TMEM269: variants seen among roughly 807,000 people sequenced by gnomAD.
TMEM269 encodes transmembrane protein 269.
A neutral mutation model predicts 15.8 loss-of-function variants in TMEM269; 12 were observed. The ratio of observed to expected loss-of-function variants is 0.76; its 90% CI spans 0.49 to 1.23. The LOEUF (loss-of-function observed/expected upper bound fraction) is 1.23. TMEM269 is among the 50% of genes most tolerant of loss of function. The pLI, the probability that TMEM269 is intolerant of heterozygous loss-of-function variation, is 0.00. For synonymous variants in TMEM269, 93 were observed against 99.3 expected (o/e 0.94, Z 0.38); for missense variants, 211 against 245.4 (o/e 0.86, Z 0.94).
intron 5 of TMEM269, 74 bp downstream of exon 5, chr1:42,794,687 TTCTA>T (rs937142621): frequency 1.9e-6 from 2 of 1,026,046 alleles, no homozygotes; most frequent in African/African-American, 1.6e-5. Flanking sequence ...CCCAGCATTT[TTCTA>T]TCTCTCTTAT....
rs1425030140 is a variant in TMEM269 at position 42,798,289 on chromosome 1, C to T, written c.*64C>T. 2 of 1,530,606 alleles carry T rather than the reference C, an allele frequency of 1.3e-6. No individual in the cohort carries two copies. Among genetic ancestry groups the T allele is most frequent in the Middle Eastern group, 3.8e-4 (2 of 5,218 alleles). The allele number at this position is 1,530,606 out of a possible 1,614,324, so 94.8% of individuals were successfully genotyped here. A position where few individuals can be genotyped will look rare whatever the true frequency, so the allele number is the denominator to read the frequency against. On this transcript the variant is annotated 3_prime_UTR_variant, in exon 6 of 6. Coordinates refer to ENST00000637012, the MANE Select transcript of TMEM269 (RefSeq NM_001354602.2). ...TGGGGTTTGTGTCAGCATATTGGGT[C>T]AAGCCTGCACTAAAGCTTTGTATGT...
In TMEM269 at chr1:42,798,336, A is replaced by C; in HGVS notation, c.*111A>C. On this transcript the variant is annotated 3_prime_UTR_variant, in exon 6 of 6. Transcript: ENST00000637012. ...ATGTACCTGTGTTGCCATATACTAG[A>C]TATATGGTATGTCTGTTGCCATGAA... 1 of 1,301,020 alleles carries C rather than the reference A, an allele frequency of 7.7e-7. No individual in the cohort carries two copies. Among genetic ancestry groups the C allele is most frequent in the Admixed American group, 2.4e-5 (1 of 42,324 alleles). 80.6% of individuals were successfully genotyped at this position (1,301,020 alleles called of 1,614,324 possible).
Position 42,797,803 on chromosome 1 carries a change from CT to C in TMEM269, c.485-293del, listed in dbSNP as rs1653813596. ...CCTAACAAGGGTTTTTGGTTTTTGT[CT>C]TGGTTTGTTTTGTTTTCCCTAACAA... On this transcript the variant is annotated intron_variant, in intron 5 of 5. Transcript: ENST00000637012. This position sits in a 1 kb window ranked among gnomAD's most constrained non-coding sequence, Gnocchi z 4.9. The C allele has an allele frequency of 1.8e-6, 1 of 551,766 alleles. No individual in the cohort carries two copies. The highest frequency in any genetic ancestry group is 1.5e-5 in the South Asian group (1 of 65,002). 34.2% of individuals were successfully genotyped at this position (551,766 alleles called of 1,614,324 possible).
In TMEM269 at chr1:42,792,805, G is replaced by A. The variant is rs1557592468; in HGVS notation, c.42G>A (p.Arg14=). ...TTGGGCTTGCTGGCCTGCACTTTAG[G>A]AAATGCCACTATGCCTCCCGGATGC... ...GLFSIIFSFS[R]KCHYASRMLL... is the part of the protein sequence containing the mutation. Residue 14 remains arginine (R), a splice_region_variant and synonymous_variant, in exon 3 of 6, where the codon AGG becomes AGA. Transcript: ENST00000637012. The A allele has an allele frequency of 6.5e-7, 1 of 1,550,198 alleles. No homozygotes were observed. The highest frequency in any genetic ancestry group is 2.0e-5 in the Admixed American group (1 of 50,994).
rs1653845278 is a variant in TMEM269 at position 42,799,100 on chromosome 1, G to A, written c.*875G>A. 1 of 151,802 alleles carries A rather than the reference G, an allele frequency of 6.6e-6. No individual in the cohort carries two copies. The highest frequency in any genetic ancestry group is 6.6e-5 in the Admixed American group (1 of 15,200). 9.4% of individuals were successfully genotyped at this position (151,802 alleles called of 1,614,324 possible). A position where few individuals can be genotyped will look rare whatever the true frequency, so the allele number is the denominator to read the frequency against. ...CGCCTTTTGCTTTGTTTAGCAGTTAGATACATTGGTGACACAGGGCATCAT... is the reference window on the plus strand; with the variant it reads ...CGCCTTTTGCTTTGTTTAGCAGTTAAATACATTGGTGACACAGGGCATCAT... On this transcript the variant is annotated 3_prime_UTR_variant, in exon 6 of 6. Coordinates refer to ENST00000637012, the MANE Select transcript of TMEM269 (RefSeq NM_001354602.2).
intron 4 of TMEM269, among the ~76,000 whole-genome samples, chr1:42,794,088 T>A (rs1426548809): frequency 1.3e-5 from 2 of 152,124 alleles, no homozygotes; most frequent in African/African-American, 4.8e-5. Context: ...TGAGGGAAAT[T>A]GTCTTGCCTA....
In TMEM269 at chr1:42,792,802, T is replaced by C; in HGVS notation, c.42-3T>C. ...TGTTTGGGCTTGCTGGCCTGCACTT[T>C]AGGAAATGCCACTATGCCTCCCGGA... is the stretch of plus-strand genomic sequence containing the variant. On this transcript the variant is annotated splice_region_variant and splice_polypyrimidine_tract_variant and intron_variant, in intron 2 of 5. Transcript: ENST00000637012. The C allele has an allele frequency of 3.2e-6, 5 of 1,549,704 alleles. No homozygotes were observed. The highest frequency in any genetic ancestry group is 3.5e-6 in the Non-Finnish European group (4 of 1,146,240).
intron 3 of TMEM269, 52 bp from the exon 4 acceptor site, chr1:42,793,549 G>A: frequency 6.6e-7 from 1 of 1,508,368 alleles, no homozygotes; most frequent in Middle Eastern, 1.7e-4. Context: ...TGGGGGCTAA[G>A]GTGCAAGACG....
intron 2 of TMEM269, 52 bp from the exon 3 acceptor site, chr1:42,792,753 G>T (rs760065632): frequency 5.3e-5 from 61 of 1,150,478 alleles, no homozygotes; most frequent in Non-Finnish European, 7.3e-5. Flanking sequence ...AGAGTCTCCA[G>T]TGGAAACTGC....
At position 42,797,847 on chromosome 1, in the gene TMEM269, T is replaced by G. The variant is rs142630535; in HGVS notation, c.485-251T>G. The G allele has an allele frequency of 1.1e-4, 68 of 640,718 alleles. No individual in the cohort carries two copies. In the African/African-American group the frequency reaches 1.1e-3, roughly 11 times the overall value. 39.7% of individuals were successfully genotyped at this position (640,718 alleles called of 1,614,324 possible). On this transcript the variant is annotated intron_variant, in intron 5 of 5. Transcript: ENST00000637012. The surrounding 1 kb of genome is among the most constrained non-coding windows in gnomAD (Gnocchi z 4.9). ...CCTAACAAAGGCAATTCAGATTTATTATTGGCTGGAACTTCTGATGTGAAT... is the reference window on the plus strand; with the variant it reads ...CCTAACAAAGGCAATTCAGATTTATGATTGGCTGGAACTTCTGATGTGAAT...
At chr1:42,789,443 G>T in intron 1 of TMEM269, 2 of 1,535,466 alleles carry the variant, frequency 1.3e-6, no homozygotes, top group African/African-American at 1.4e-5. Flanking sequence ...ATGGGAGAAG[G>T]GCCCCATACC....
In TMEM269 at chr1:42,788,535, A is replaced by C. The variant is rs1300589777; in HGVS notation, c.-98-1261A>C. Among the ~76,000 whole-genome samples, 1 of 152,134 alleles carries C rather than the reference A, an allele frequency of 6.6e-6. No individual in the cohort carries two copies. Among genetic ancestry groups the C allele is most frequent in the African/African-American group, 2.4e-5 (1 of 41,436 alleles). ...ACAGACTGTGAAGATGGGCAGGGCC[A>C]GCCAATTCCCTGTTGTGGGAGAGAC... On this transcript the variant is annotated intron_variant, in intron 1 of 5. Coordinates refer to ENST00000637012, the MANE Select transcript of TMEM269 (RefSeq NM_001354602.2). This position sits in a 1 kb window ranked among gnomAD's most constrained non-coding sequence, Gnocchi z 4.0.
At chr1:42,795,846 G>A (rs1012294746) in intron 5 of TMEM269, among the ~76,000 whole-genome samples, 7 of 152,144 alleles carry the variant, frequency 4.6e-5, no homozygotes, top group Non-Finnish European at 1.0e-4. Flanking sequence ...TAGGGTCTTC[G>A]GTTTCATCCT....
At chr1:42,791,603 A>G (rs1357752363) in intron 2 of TMEM269, among the ~76,000 whole-genome samples, 2 of 147,878 alleles carry the variant, frequency 1.4e-5, no homozygotes, top group Non-Finnish European at 2.9e-5. Flanking sequence ...CATTGAATGC[A>G]TATAGTCAAG....
Position 42,789,429 on chromosome 1 carries a change from T to G in TMEM269, c.-98-367T>G, listed in dbSNP as rs143766103. The stretch of plus-strand genomic sequence containing the variant: ...TTCGTCAGTGACAAGGGCCCACCTC[T>G]CAGATGGGAGAAGGGCCCCATACCC... On this transcript the variant is annotated intron_variant, in intron 1 of 5. Coordinates refer to ENST00000637012, the MANE Select transcript of TMEM269 (RefSeq NM_001354602.2). The G allele has an allele frequency of 8.1e-3, 12,428 of 1,535,234 alleles. 86 individuals are homozygous for G. The highest frequency in any genetic ancestry group is 9.2e-3 in the Non-Finnish European group (10,540 of 1,146,520).
At chr1:42,793,026 T>A (rs767288306) in intron 3 of TMEM269, 124 bp downstream of exon 3, 19 of 765,332 alleles carry the variant, frequency 2.5e-5, no homozygotes, top group East Asian at 1.3e-4. Flanking sequence ...CACACCCCGC[T>A]GAGAGCAGCA....
In TMEM269 at chr1:42,793,752, G is replaced by C; in HGVS notation, c.283+8G>C. 1 of 1,549,672 alleles carries C rather than the reference G, an allele frequency of 6.5e-7. No individual in the cohort carries two copies. Among genetic ancestry groups the C allele is most frequent in the Non-Finnish European group, 8.7e-7 (1 of 1,146,518 alleles). On this transcript the variant is annotated splice_region_variant and intron_variant, in intron 4 of 5. Transcript: ENST00000637012. ...TGTGCTTTTATTCACCTGGTGAGTG[G>C]AACCAAGGTTGCCTTAGAACAGAGG...
intron 5 of TMEM269, 22 bp downstream of exon 5, chr1:42,794,635 G>A: frequency 6.6e-7 from 1 of 1,516,168 alleles, no homozygotes; most frequent in South Asian, 1.2e-5. Flanking sequence ...TGTCACTATG[G>A]CCAGTTTGTT....
rs1453935023 is a variant in TMEM269 at position 42,797,571 on chromosome 1, C to A, written c.485-527C>A. Among the ~76,000 whole-genome samples the A allele has an allele frequency of 6.6e-6, 1 of 152,166 alleles. No individual in the cohort carries two copies. Among genetic ancestry groups the A allele is most frequent in the African/African-American group, 2.4e-5 (1 of 41,446 alleles). On this transcript the variant is annotated intron_variant, in intron 5 of 5. Coordinates refer to ENST00000637012, the MANE Select transcript of TMEM269 (RefSeq NM_001354602.2). This position sits in a 1 kb window ranked among gnomAD's most constrained non-coding sequence, Gnocchi z 4.9. ...GACAGTCTAGGAACAGTGAGACACTCTTATCAGTTGGGGAAAGTTTTATGT... is the reference window on the plus strand; with the variant it reads ...GACAGTCTAGGAACAGTGAGACACTATTATCAGTTGGGGAAAGTTTTATGT...
Sources: allele counts gnomAD v4.1 joint callset (sites outside exome capture counted in the v4.1 genomes callset), GRCh38; gene constraint gnomAD v4.1.1; non-coding constraint Gnocchi (gnomAD v3.1); transcripts MANE v1.5; gene names NCBI Gene and HGNC (gene_info 2026-07-23, HGNC 2026-07-21).